Variants in SNCAIP observed in about 807,000 individuals in gnomAD.
The protein encoded by SNCAIP is synuclein alpha interacting protein.
Under a neutral mutation model 86.7 loss-of-function variants are expected in SNCAIP, and 43 were observed. The ratio of observed to expected loss-of-function variants is 0.50; its 90% confidence interval spans 0.39 to 0.64. The LOEUF is 0.64. SNCAIP is among the 30% of genes least tolerant of loss of function. SNCAIP has a pLI of 0.00. For missense variants in SNCAIP, 981 were observed against 1,103.1 expected (o/e 0.89, Z 1.57); for synonymous variants, 417 against 427.2 (o/e 0.98, Z 0.29).
At chr5:122,364,031 A>G (rs551475695) in intron 1 of SNCAIP, among the ~76,000 whole-genome samples, 10 of 152,096 alleles carry the variant, frequency 6.6e-5, no homozygotes, top group African/African-American at 2.4e-4. Flanking sequence ...AGGTCTTCCT[A>G]TGTTTCCCAG....
At chr5:122,314,665 A>G (rs1471453880) in intron 1 of SNCAIP, among the ~76,000 whole-genome samples, 2 of 152,218 alleles carry the variant, frequency 1.3e-5, no homozygotes, top group Non-Finnish European at 2.9e-5. Context: ...GTTTGCTAGT[A>G]TCATATGTAC....
At chr5:122,403,913 T>C (rs1772395858) in intron 3 of SNCAIP, 48 bp downstream of exon 3, 1 of 1,429,672 alleles carries the variant, frequency 7.0e-7, no homozygotes, top group Admixed American at 1.7e-5. Context: ...TCAGTGTTAA[T>C]GGCTCCTGGA....
At chr5:122,431,635 T>A (rs916239691) in intron 5 of SNCAIP, among the ~76,000 whole-genome samples, 2 of 152,154 alleles carry the variant, frequency 1.3e-5, no homozygotes, top group Non-Finnish European at 2.9e-5. Context: ...AAGTTATAGT[T>A]ACAGGAGTAT....
chr5:122,395,633 A>G (rs746525010), intron 2 of SNCAIP, among the ~76,000 whole-genome samples: 15 of 152,118 alleles, frequency 9.9e-5, no homozygotes, highest in Admixed American at 2.6e-4. Context: ...TTTCTATCAC[A>G]CAGACTGTGC....
chr5:122,323,979 T>G (rs1191364386), intron 1 of SNCAIP, among the ~76,000 whole-genome samples: 1 of 152,162 alleles, frequency 6.6e-6, no homozygotes, highest in African/African-American at 2.4e-5. Flanking sequence ...AGTAGCTACA[T>G]GTCAGTTCAC....
At chr5:122,397,004 G>T (rs1770755501) in intron 2 of SNCAIP, among the ~76,000 whole-genome samples, 1 of 152,048 alleles carries the variant, frequency 6.6e-6, no homozygotes, top group African/African-American at 2.4e-5. Context: ...AACATTTATT[G>T]AACACTTAAC....
chr5:122,456,517 G>A (rs1020038516), intron 10 of SNCAIP, among the ~76,000 whole-genome samples: 6 of 152,056 alleles, frequency 3.9e-5, no homozygotes, highest in Non-Finnish European at 5.9e-5. Flanking sequence ...ACAAAGATGT[G>A]GAAGACATTG....
At chr5:122,394,259 A>G (rs1375490180) in intron 2 of SNCAIP, among the ~76,000 whole-genome samples, 2 of 152,092 alleles carry the variant, frequency 1.3e-5, no homozygotes, top group African/African-American at 2.4e-5. Flanking sequence ...GCCCTATTAC[A>G]TAGTCTAGGC....
chr5:122,409,405 C>T (rs78480316), intron 3 of SNCAIP, among the ~76,000 whole-genome samples: 1 of 152,204 alleles, frequency 6.6e-6, no homozygotes, highest in East Asian at 1.9e-4. Flanking sequence ...GTATAATTTT[C>T]TTATGAAAGA....
At chr5:122,443,796 G>T (rs1043118264) in intron 7 of SNCAIP, 11 of 398,208 alleles carry the variant, frequency 2.8e-5, no homozygotes, top group African/African-American at 2.1e-4. Context: ...TGCCCTCTGT[G>T]CCAACCTTCA....
intron 5 of SNCAIP, among the ~76,000 whole-genome samples, chr5:122,428,720 T>A (rs1018379764): frequency 6.6e-6 from 1 of 152,176 alleles, no homozygotes; most frequent in South Asian, 2.1e-4. Flanking sequence ...ATTAGGTATT[T>A]CTCCTAATGC....
intron 1 of SNCAIP, among the ~76,000 whole-genome samples, chr5:122,318,388 G>A (rs183588636): frequency 1.1e-4 from 16 of 152,246 alleles, no homozygotes; most frequent in Non-Finnish European, 1.3e-4. Context: ...CCTGTGGTAC[G>A]TATGGCGTTG....
chr5:122,361,938 C>A (rs1198745715), intron 1 of SNCAIP, among the ~76,000 whole-genome samples: 1 of 152,180 alleles, frequency 6.6e-6, no homozygotes, highest in Non-Finnish European at 1.5e-5. Context: ...CCATTTTCTA[C>A]TCCTAGGGGA....
intron 8 of SNCAIP, among the ~76,000 whole-genome samples, chr5:122,449,025 AAT>A (rs1172782297): frequency 6.6e-6 from 1 of 152,026 alleles, no homozygotes; most frequent in Non-Finnish European, 1.5e-5. Flanking sequence ...CAAAAAAAAA[AAT>A]GAGGTTACAG....
intron 1 of SNCAIP, among the ~76,000 whole-genome samples, chr5:122,361,117 C>T (rs1762117432): frequency 6.7e-6 from 1 of 148,756 alleles, no homozygotes; most frequent in African/African-American, 2.5e-5. Context: ...ATTCATATTA[C>T]ATTACATCCT....
chr5:122,341,763 C>T (rs771222182), intron 1 of SNCAIP, among the ~76,000 whole-genome samples: 18 of 152,144 alleles, frequency 1.2e-4, no homozygotes, highest in Non-Finnish European at 2.1e-4. Context: ...CAGGCTCCAA[C>T]CATGTAAAAT....
At chr5:122,420,298 CAT>C (rs1776126091) in intron 3 of SNCAIP, among the ~76,000 whole-genome samples, 1 of 152,194 alleles carries the variant, frequency 6.6e-6, no homozygotes, top group Non-Finnish European at 1.5e-5. Context: ...AGCTGGGAAA[CAT>C]ATGGTATCCA....
At chr5:122,404,011 G>T (rs547621241) in intron 3 of SNCAIP, 146 bp downstream of exon 3, 34 of 696,118 alleles carry the variant, frequency 4.9e-5, no homozygotes, top group African/African-American at 1.1e-4. Context: ...CCCACCTCAT[G>T]CCCTGCCTTC....
rs541191012 is a variant in SNCAIP, at chr5:122,351,536, CAAAAAAAAA to C, written c.-47+39274_-47+39282del. Among the ~76,000 whole-genome samples, 62 of 36,510 alleles carry C rather than the reference CAAAAAAAAA, an allele frequency of 1.7e-3. 2 individuals are homozygous for C. The highest frequency in any genetic ancestry group is 3.7e-3 in the South Asian group (2 of 540). The allele number at this position is 36,510 out of a possible 152,430, so 24.0% of individuals were successfully genotyped here. ...TGGGCAACAGAGTGAGACTCTGTATCAAAAAAAAAAAAAAAAAAAAAAAAAAAAAAGAAC... is the reference window on the plus strand; with the variant it reads ...TGGGCAACAGAGTGAGACTCTGTATCAAAAAAAAAAAAAAAAAAAAAGAAC... On this transcript the variant is annotated intron_variant, in intron 1 of 10. Coordinates refer to ENST00000261368, the MANE Select transcript of SNCAIP (RefSeq NM_005460.4).
Sources: allele counts gnomAD v4.1 joint callset (sites outside exome capture counted in the v4.1 genomes callset), GRCh38; gene constraint gnomAD v4.1.1; transcripts MANE v1.5; gene names NCBI Gene and HGNC (gene_info 2026-07-23, HGNC 2026-07-21).